Variants in HNRNPK observed in about 807,000 individuals in gnomAD.
The protein encoded by HNRNPK is dC-stretch binding protein.
In HNRNPK, 7 loss-of-function variants were observed where a neutral mutation model predicts 67.0. The observed-to-expected ratio is 0.10, with a 90% confidence interval of 0.06 to 0.20. HNRNPK has a LOEUF of 0.20. HNRNPK is among the 10% of genes least tolerant of loss of function. The pLI is 1.00. For synonymous variants in HNRNPK, 213 were observed against 193.7 expected, an observed-to-expected ratio of 1.10 and a Z score of -0.83; for missense variants, 264 against 606.5, an observed-to-expected ratio of 0.44 and a Z score of 5.93.
intron 1 of HNRNPK, among the ~76,000 whole-genome samples, chr9:83,979,551 C>G (rs983089222): frequency 6.6e-6 from 1 of 152,212 alleles, no homozygotes; most frequent in Non-Finnish European, 1.5e-5. Flanking sequence ...TCAAAAACAG[C>G]CGGGTAACAG....
At chr9:83,973,511 A>G (rs920446154) in intron 8 of HNRNPK, 112 bp from the exon 9 acceptor site, 36 of 689,910 alleles carry the variant, frequency 5.2e-5, no homozygotes, top group African/African-American at 1.8e-4. Context: ...ACCTGAATTT[A>G]TATTTCAATA....
chr9:83,971,027 A>C lies in HNRNPK; in HGVS notation c.1093-115T>G, dbSNP rs922410404. On this transcript the variant is annotated intron_variant, in intron 13 of 16. Coordinates refer to ENST00000376263, the MANE Select transcript of HNRNPK (RefSeq NM_031263.4). The stretch of plus-strand genomic sequence containing the variant: ...TTGCTATGTTGCCCAGGCTGGTCTC[A>C]AACTCTCGGGCTCAAGTGATCCTCC... 6 of 1,073,018 alleles carry C rather than the reference A, an allele frequency of 5.6e-6. No individual in the cohort carries two copies. In the South Asian group the frequency reaches 8.0e-5, roughly 14 times the overall value. 66.5% of individuals were successfully genotyped at this position (1,073,018 alleles called of 1,614,324 possible). A position where few individuals can be genotyped will look rare whatever the true frequency, so the allele number is the denominator to read the frequency against.
Position 83,971,655 on chromosome 9 carries a change from T to A in HNRNPK, c.1008+17A>T. On this transcript the variant is annotated intron_variant, in intron 12 of 16. Coordinates refer to ENST00000376263, the MANE Select transcript of HNRNPK (RefSeq NM_031263.4). ...CCTCACATACCCAACACACTGGTAA[T>A]AAACCAAAGTTCTTACCATGCCGTC... 6 of 1,602,406 alleles carry A rather than the reference T, an allele frequency of 3.7e-6. No individual in the cohort carries two copies. Among genetic ancestry groups the A allele is most frequent in the African/African-American group, 1.3e-5 (1 of 74,772 alleles).
chr9:83,970,104 A>T (rs1418565533), intron 16 of HNRNPK, 58 bp downstream of exon 16: 1 of 1,408,594 alleles, frequency 7.1e-7, no homozygotes, highest in Non-Finnish European at 9.7e-7. Context: ...ATTGAGAAGA[A>T]AAGCTTTTTA....
At chr9:83,973,044 G>C (rs1010435128) in intron 9 of HNRNPK, 72 bp from the exon 10 acceptor site, 2 of 1,132,272 alleles carry the variant, frequency 1.8e-6, no homozygotes, top group African/African-American at 3.2e-5. Flanking sequence ...AGTGAAAATT[G>C]CATTTGAATT....
chr9:83,972,288 C>T, intron 10 of HNRNPK, 99 bp from the exon 11 acceptor site: 1 of 877,852 alleles, frequency 1.1e-6, no homozygotes, highest in Non-Finnish European at 1.8e-6. Context: ...GTAAGTCATT[C>T]CCCCATCAGG....
intron 6 of HNRNPK, 126 bp from the exon 7 acceptor site, chr9:83,974,715 T>TTAAAG (rs1364164375): frequency 3.6e-5 from 23 of 639,086 alleles, no homozygotes; most frequent in Non-Finnish European, 5.5e-5. Context: ...TATTCCCCAT[T>TTAAAG]TAAAGTAGCC....
rs1956689205 is a variant in HNRNPK at position 83,968,713 on chromosome 9, C to T, written c.*694G>A. The T allele has an allele frequency of 6.6e-6, 1 of 152,582 alleles. No individual in the cohort carries two copies. Among genetic ancestry groups the T allele is most frequent in the Non-Finnish European group, 1.5e-5 (1 of 68,034 alleles). 9.5% of individuals were successfully genotyped at this position (152,582 alleles called of 1,614,324 possible). Reference sequence around the variant, plus strand: ...TATGTATGATGGAATTTCTTCCCAGCAATAGACTTCCAAACCATCAAGAAA... The same window carrying T: ...TATGTATGATGGAATTTCTTCCCAGTAATAGACTTCCAAACCATCAAGAAA... On this transcript the variant is annotated 3_prime_UTR_variant, in exon 17 of 17. Transcript: ENST00000376263.
intron 5 of HNRNPK, chr9:83,975,846 T>C (rs892355504): frequency 3.5e-6 from 1 of 283,982 alleles, no homozygotes; most frequent in Non-Finnish European, 6.8e-6. Context: ...CTTCTCTAAA[T>C]CTGACTGTGG....
At chr9:83,975,418 T>C (rs1161583943) in intron 6 of HNRNPK, 44 bp downstream of exon 6, 20 of 1,570,672 alleles carry the variant, frequency 1.3e-5, no homozygotes, top group Non-Finnish European at 1.5e-5. Context: ...AATACATTTC[T>C]CTCTTTCTAA....
At position 83,973,270 on chromosome 9, in the gene HNRNPK, A is replaced by T; in HGVS notation, c.516+16T>A. The T allele has an allele frequency of 1.6e-6, 2 of 1,233,180 alleles. No homozygotes were observed. The highest frequency in any genetic ancestry group is 2.3e-6 in the Non-Finnish European group (2 of 856,726). The allele number at this position is 1,233,180 out of a possible 1,614,324, so 76.4% of individuals were successfully genotyped here. A position where few individuals can be genotyped will look rare whatever the true frequency, so the allele number is the denominator to read the frequency against. On this transcript the variant is annotated intron_variant, in intron 9 of 16. Coordinates refer to ENST00000376263, the MANE Select transcript of HNRNPK (RefSeq NM_031263.4). ...ACTTTCCAGCAAAGAATACGGCAGAATTTTTTTTTTTTTACCTCTCGAAGT... is the reference window on the plus strand; with the variant it reads ...ACTTTCCAGCAAAGAATACGGCAGATTTTTTTTTTTTTTACCTCTCGAAGT...
At chr9:83,971,234 T>G in intron 13 of HNRNPK, 39 bp downstream of exon 13, 1 of 1,308,080 alleles carries the variant, frequency 7.6e-7, no homozygotes, top group Non-Finnish European at 1.1e-6. Context: ...GCATCTTAAA[T>G]TATCACTGAT....
chr9:83,979,137 G>C (rs766704290), intron 1 of HNRNPK, among the ~76,000 whole-genome samples: 3 of 152,308 alleles, frequency 2.0e-5, no homozygotes, highest in East Asian at 3.9e-4. Context: ...CAAAACGGTC[G>C]ATAGGACTAC....
chr9:83,971,844 G>A, intron 11 of HNRNPK, 38 bp downstream of exon 11: 1 of 1,560,412 alleles, frequency 6.4e-7, no homozygotes, highest in Non-Finnish European at 8.7e-7. Context: ...TCATAGATGG[G>A]GGAAGAAAAA....
intron 6 of HNRNPK, among the ~76,000 whole-genome samples, chr9:83,974,992 C>T (rs933827935): frequency 6.6e-6 from 1 of 152,156 alleles, no homozygotes; most frequent in Non-Finnish European, 1.5e-5. Flanking sequence ...AACATTGTAT[C>T]TGGAGTAAGG....
chr9:83,971,227 T>A (rs781763625), intron 13 of HNRNPK, 46 bp downstream of exon 13: 5 of 1,225,558 alleles, frequency 4.1e-6, no homozygotes, highest in South Asian at 3.6e-5. Flanking sequence ...CAGGTAAGCA[T>A]CTTAAATTAT....
Position 83,969,036 on chromosome 9 carries a change from C to T in HNRNPK, c.*371G>A, listed in dbSNP as rs1436940048. 1 of 388,020 alleles carries T rather than the reference C, an allele frequency of 2.6e-6. No individual in the cohort carries two copies. Among genetic ancestry groups the T allele is most frequent in the African/African-American group, 2.1e-5 (1 of 48,410 alleles). The allele number at this position is 388,020 out of a possible 1,614,324, so 24.0% of individuals were successfully genotyped here. The stretch of plus-strand genomic sequence containing the variant: ...TGTTACTTTTCCTCCCTGTCCCACC[C>T]CCCAAATGTTACAGTGACCACAAAG... On this transcript the variant is annotated 3_prime_UTR_variant, in exon 17 of 17. Transcript: ENST00000376263.
chr9:83,970,197 G>A lies in HNRNPK; in HGVS notation c.1326C>T (p.Asp442=), dbSNP rs1263526308. 1 of 1,613,386 alleles carries A rather than the reference G, an allele frequency of 6.2e-7. No individual in the cohort carries two copies. The highest frequency in any genetic ancestry group is 1.1e-5 in the South Asian group (1 of 91,062). The change falls in exon 16 of 17, where the codon GAC becomes GAT. Residue 442 remains aspartate (D), a synonymous_variant. Transcript: ENST00000376263. ...GCAAATACTGTGCATTCTGTATCTG[G>A]TCCTGTGTTCCTGTAATGGTAATGA... The part of the protein sequence containing the change: ...DRIITITGTQ[D]QIQNAQYLLQ...
chr9:83,974,797 CAG>C (rs901016089), intron 6 of HNRNPK, among the ~76,000 whole-genome samples: 2 of 152,272 alleles, frequency 1.3e-5, no homozygotes, highest in African/African-American at 4.8e-5. Flanking sequence ...AGGAGACTTG[CAG>C]AGAGACAGAG....
Sources: allele counts gnomAD v4.1 joint callset (sites outside exome capture counted in the v4.1 genomes callset), GRCh38; gene constraint gnomAD v4.1.1; transcripts MANE v1.5; gene names NCBI Gene and HGNC (gene_info 2026-07-23, HGNC 2026-07-21).